Variants in PHEX observed in about 807,000 individuals in gnomAD.
The protein encoded by PHEX is phosphate-regulating neutral endopeptidase PHEX.
A neutral mutation model predicts 68.0 loss-of-function variants in PHEX; 16 were observed. The observed-to-expected ratio is 0.24, with a 90% CI of 0.16 to 0.36. The LOEUF (loss-of-function observed/expected upper bound fraction) is 0.36. Among genes scored for constraint, PHEX ranks in the 10% least tolerant of loss-of-function variants. The probability of loss-of-function intolerance (pLI) is 1.00; values close to 1 mark genes in which losing one functional copy is unlikely to be tolerated. For missense variants in PHEX, 480 were observed against 575.5 expected (o/e 0.83, Z 1.70); for synonymous variants, 208 against 205.1 (o/e 1.01, Z -0.12).
chrX:22,124,213 G>A (rs748676330), intron 11 of PHEX, among the ~76,000 whole-genome samples: 3 of 111,839 alleles, frequency 2.7e-5, no homozygotes, highest in African/African-American at 9.8e-5. Context: ...GGTCCCAATC[G>A]TGACAGCTCA....
In PHEX at chrX:22,183,090, A is replaced by G. The variant is rs138596471; in HGVS notation, c.1586+4714A>G. On this transcript the variant is annotated intron_variant, in intron 14 of 21. Transcript: ENST00000379374. The stretch of plus-strand genomic sequence containing the variant: ...TCCATGGATTACAATTTTTTTTTTC[A>G]TGGCCCACTTTTTAACCTTGGCTAA... Among the ~76,000 whole-genome samples the G allele has an allele frequency of 7.5e-3, 819 of 108,955 alleles. 7 individuals are homozygous for G. Among genetic ancestry groups the G allele is most frequent in the African/African-American group, 0.027 (793 of 29,880 alleles). 94.6% of individuals were successfully genotyped at this position (108,955 alleles called of 115,157 possible). A position where few individuals can be genotyped will look rare whatever the true frequency, so the allele number is the denominator to read the frequency against.
chrX:22,224,995 C>CATACAGCGCTGTATGTTTT (rs1569433299), intron 18 of PHEX, among the ~76,000 whole-genome samples: 1 of 3,202 alleles, frequency 3.1e-4, no homozygotes, highest in Non-Finnish European at 6.3e-4. Context: ...CTCTGTATGT[C>CATACAGCGCTGTATGTTTT]AGAAGTCTGA....
chrX:22,098,659 G>C (rs1251151685), intron 8 of PHEX, among the ~76,000 whole-genome samples: 2 of 104,773 alleles, frequency 1.9e-5, no homozygotes, highest in Admixed American at 2.1e-4. Flanking sequence ...TTAGCCAAGT[G>C]TGGTGGCAGG....
intron 11 of PHEX, among the ~76,000 whole-genome samples, chrX:22,121,325 G>A (rs935879966): frequency 8.9e-6 from 1 of 111,782 alleles, no homozygotes; most frequent in African/African-American, 3.3e-5. Flanking sequence ...TCACGAGCAG[G>A]GAAATTCTTG....
intron 12 of PHEX, among the ~76,000 whole-genome samples, chrX:22,142,209 G>A (rs898448643): frequency 3.6e-5 from 4 of 111,831 alleles, no homozygotes; most frequent in Admixed American, 9.5e-5. Flanking sequence ...CCAAGATTAC[G>A]CCGCTGCACT....
chrX:22,109,086 G>T (rs1434512424), intron 9 of PHEX, among the ~76,000 whole-genome samples: 1 of 111,823 alleles, frequency 8.9e-6, no homozygotes, highest in Non-Finnish European at 1.9e-5. Context: ...AATGATTATT[G>T]ATGATGTAAG....
At chrX:22,054,478 T>C (rs929541099) in intron 3 of PHEX, among the ~76,000 whole-genome samples, 1 of 111,607 alleles carries the variant, frequency 9.0e-6, no homozygotes, top group African/African-American at 3.3e-5. Context: ...GACTAGCAAA[T>C]GTGGGGATGC....
At chrX:22,192,898 G>A (rs1934248100) in intron 15 of PHEX, among the ~76,000 whole-genome samples, 1 of 111,167 alleles carries the variant, frequency 9.0e-6, no homozygotes, top group East Asian at 2.9e-4. Flanking sequence ...TGTGGCCACT[G>A]TTAGGAATGG....
At chrX:22,165,528 A>C (rs992293702) in intron 12 of PHEX, among the ~76,000 whole-genome samples, 1 of 111,175 alleles carries the variant, frequency 9.0e-6, no homozygotes, top group Non-Finnish European at 1.9e-5. Flanking sequence ...GTGCAGGAAA[A>C]GTGGGTAGAA....
chrX:22,182,760 G>C (rs998344749), intron 14 of PHEX, among the ~76,000 whole-genome samples: 8 of 111,087 alleles, frequency 7.2e-5, no homozygotes, highest in Non-Finnish European at 3.8e-5. Flanking sequence ...CCCCAGTTGA[G>C]TCTACCCACT....
At chrX:22,113,583 T>G (rs1355245533) in intron 10 of PHEX, among the ~76,000 whole-genome samples, 1 of 111,950 alleles carries the variant, frequency 8.9e-6, no homozygotes, top group Admixed American at 9.5e-5. Context: ...AGCATTTACA[T>G]CTGTATTTTG....
chrX:22,179,000 T>C (rs1315840255), intron 14 of PHEX, among the ~76,000 whole-genome samples: 2 of 112,287 alleles, frequency 1.8e-5, no homozygotes, highest in Non-Finnish European at 3.8e-5. Flanking sequence ...ACAATTATTA[T>C]TTGTTTACAT....
intron 12 of PHEX, among the ~76,000 whole-genome samples, chrX:22,142,121 A>G (rs1024322536): frequency 3.2e-4 from 36 of 111,322 alleles, no homozygotes; most frequent in Non-Finnish European, 4.5e-4. Context: ...GTGTGGTGGC[A>G]GGCGCCTGTA....
intron 5 of PHEX, among the ~76,000 whole-genome samples, chrX:22,080,981 A>G (rs16981750): frequency 0.061 from 6,834 of 111,715 alleles, 294 homozygotes; most frequent in African/African-American, 0.15. Flanking sequence ...CTACTCTTCA[A>G]GCATGACCCA....
chrX:22,182,831 G>A (rs1165987850), intron 14 of PHEX, among the ~76,000 whole-genome samples: 1 of 111,942 alleles, frequency 8.9e-6, no homozygotes, highest in Non-Finnish European at 1.9e-5. Flanking sequence ...AGGTCTCACT[G>A]AGCTAGGAGG....
chrX:22,235,266 G>A (rs972583222), intron 20 of PHEX, among the ~76,000 whole-genome samples: 2 of 112,093 alleles, frequency 1.8e-5, no homozygotes, highest in Non-Finnish European at 3.8e-5. Flanking sequence ...TTCGCTGGGA[G>A]CTGCAGTCCA....
intron 2 of PHEX, among the ~76,000 whole-genome samples, chrX:22,039,621 G>A (rs769575807): frequency 8.9e-6 from 1 of 112,376 alleles, no homozygotes; most frequent in African/African-American, 3.2e-5. Flanking sequence ...TCTACTTAGG[G>A]CATTAGGGTG....
rs769799527 is a variant in PHEX at position 22,169,331 on chromosome X, A to C, written c.1482+942A>C. Among the ~76,000 whole-genome samples, 11 of 112,340 alleles carry C rather than the reference A, an allele frequency of 9.8e-5. No individual in the cohort carries two copies. The South Asian group carries it at 3.7e-3, about 38-fold the overall frequency. ...GAAGAAAATAATGATGCCTCATAGC[A>C]TCCTAAAACTCAGTCTATCTTATTA... On this transcript the variant is annotated intron_variant, in intron 13 of 21. Coordinates refer to ENST00000379374, the MANE Select transcript of PHEX (RefSeq NM_000444.6).
At chrX:22,239,077 C>CCTAG (rs1478077274) in intron 20 of PHEX, among the ~76,000 whole-genome samples, 1 of 111,986 alleles carries the variant, frequency 8.9e-6, no homozygotes, top group Non-Finnish European at 1.9e-5. Context: ...ACTGGTGATA[C>CCTAG]CTAGCCAAAC....
Sources: gnomAD v4.1 joint callset for allele counts (sites outside exome capture counted in the v4.1 genomes callset) on GRCh38, gnomAD v4.1.1 for gene constraint, MANE v1.5 for transcripts, NCBI Gene and HGNC (gene_info 2026-07-23, HGNC 2026-07-21) for gene names.